Variants in NCL observed in about 807,000 individuals in gnomAD.
The protein encoded by NCL is nucleolin multifunctional protein.
Under a neutral mutation model 77.7 loss-of-function variants are expected in NCL, and 4 were observed. That is an observed-to-expected ratio of 0.05 (90% CI 0.03 to 0.12). The LOEUF is 0.12. Ranked by LOEUF, NCL falls within the 10% of genes least tolerant of loss-of-function variation. NCL has a pLI of 1.00. For synonymous variants in NCL, 344 were observed against 297.8 expected, an observed-to-expected ratio of 1.16 and a Z score of -1.60; for missense variants, 763 against 860.9, an observed-to-expected ratio of 0.89 and a Z score of 1.42.
In NCL at chr2:231,461,739, C is replaced by A. The variant is rs1222602517; in HGVS notation, c.414G>T (p.Lys138Asn). Residue 138 changes from lysine (K) to asparagine (N), a missense_variant, in exon 3 of 14, where the codon AAG becomes AAT. Around this residue, in one of 2 missense-constraint regions of NCL, gnomAD observed 590 missense variants for 570.5 expected, o/e 1.03. Coordinates refer to ENST00000322723, the MANE Select transcript of NCL (RefSeq NM_005381.3). Reference protein sequence around the residue: ...AIPAKGAKNGKNAKKEDSDEE... With the variant: ...AIPAKGAKNGNNAKKEDSDEE... ...CATCACTGTCTTCCTTCTTGGCATT[C>A]TTGCCATTCTTTGCCCCCTTGGCTG... The A allele has an allele frequency of 3.1e-6, 5 of 1,614,122 alleles. No individual in the cohort carries two copies. The South Asian group carries it at 5.5e-5, about 18-fold the overall frequency.
intron 1 of NCL, chr2:231,464,088 C>A: frequency 7.4e-7 from 1 of 1,354,460 alleles, no homozygotes; most frequent in South Asian, 1.6e-5. Flanking sequence ...GCCCAGCGCC[C>A]CCTCCCCGCG....
Position 231,453,551 on chromosome 2 carries a change from T to A in NCL, c.*1640A>T, listed in dbSNP as rs931559691. 2 of 158,582 alleles carry A rather than the reference T, an allele frequency of 1.3e-5. No individual in the cohort carries two copies. Among genetic ancestry groups the A allele is most frequent in the African/African-American group, 4.8e-5 (2 of 41,718 alleles). 9.8% of individuals were successfully genotyped at this position (158,582 alleles called of 1,614,324 possible). ...CCTGATGGGCTTCAATTAACTGAGC[T>A]TTTAATTCCTTATCCAGAATACAGG... is the stretch of plus-strand genomic sequence containing the variant. On this transcript the variant is annotated 3_prime_UTR_variant, in exon 14 of 14. Transcript: ENST00000322723.
At chr2:231,462,996 T>C (rs6437019) in intron 2 of NCL, 276,899 of 537,524 alleles carry the variant, frequency 0.52, 73,399 homozygotes, top group East Asian at 0.76. Context: ...TAAAAGAAAT[T>C]CCCAGATCTC....
At position 231,461,605 on chromosome 2, in the gene NCL, G is replaced by A. The variant is rs531670131; in HGVS notation, c.548C>T (p.Ala183Val). 5 of 1,608,122 alleles carry A rather than the reference G, an allele frequency of 3.1e-6. No individual in the cohort carries two copies. The highest frequency in any genetic ancestry group is 1.7e-4 in the Middle Eastern group (1 of 6,060). The change falls in exon 3 of 14, where the codon GCC (alanine) becomes GTC (valine). Residue 183 changes from alanine to valine, a missense_variant. By Grantham distance (64) the Ala-to-Val change is moderately conservative. Transcript: ENST00000322723. The part of the protein sequence containing the change: ...AAMKAAAAAP[A>V]SEDEDDEDDE... ...ATCCTCATCGTCCTCATCCTCTGAGGCAGGGGCAGCAGCTGCTGCTTTCAT... is the reference window on the plus strand; with the variant it reads ...ATCCTCATCGTCCTCATCCTCTGAGACAGGGGCAGCAGCTGCTGCTTTCAT...
intron 2 of NCL, 58 bp from the exon 3 acceptor site, chr2:231,462,075 C>G: frequency 1.3e-6 from 2 of 1,589,358 alleles, no homozygotes; most frequent in Non-Finnish European, 8.6e-7. Context: ...AAAAGATAAC[C>G]ATGGTCCCAA....
intron 11 of NCL, 115 bp downstream of exon 11, chr2:231,456,516 C>G: frequency 6.9e-7 from 1 of 1,451,070 alleles, no homozygotes; most frequent in East Asian, 2.3e-5. Context: ...AATCAGTCAT[C>G]ATATCCAGTT....
Position 231,457,139 on chromosome 2 carries a change from G to A in NCL, c.1448-15C>T. 6.2e-7 allele frequency: 1 copy of A among 1,613,372 alleles called. No homozygotes were observed. Among genetic ancestry groups the A allele is most frequent in the Non-Finnish European group, 8.5e-7 (1 of 1,179,760 alleles). On this transcript the variant is annotated splice_polypyrimidine_tract_variant and intron_variant, in intron 9 of 13. Coordinates refer to ENST00000322723, the MANE Select transcript of NCL (RefSeq NM_005381.3). ...TTTTGATTCACCTGCAAATAGAGAT[G>A]CCACATTCCTAAGACTCTGAAACAG...
At position 231,460,827 on chromosome 2, in the gene NCL, C is replaced by A. The variant is rs750471322; in HGVS notation, c.653G>T (p.Gly218Val). Residue 218 changes from glycine to valine, a missense_variant, in exon 4 of 14, where the codon GGA (glycine) becomes GTA (valine). Gly to Val is a moderately radical substitution (Grantham distance 109, BLOSUM62 -3). This residue lies in a region of NCL where 590 missense variants were observed against 570.5 expected (regional missense o/e 1.03). Transcript: ENST00000322723. ...EEAMETTPAK[G>V]KKAAKVVPVK... is the part of the protein sequence containing the mutation. ...AGGAACAACTTTTGCAGCTTTCTTT[C>A]CTTTGGCTGGTGTAGTCTCCATAGC... 2.5e-6 allele frequency: 4 copies of A among 1,614,152 alleles called. No homozygotes were observed. The highest frequency in any genetic ancestry group is 3.3e-4 in the Middle Eastern group (2 of 6,062).
Position 231,459,553 on chromosome 2 carries a change from G to A in NCL, c.1041-428C>T, listed in dbSNP as rs540274148. Among the ~76,000 whole-genome samples the A allele has an allele frequency of 1.1e-3, 171 of 151,780 alleles. 1 individual carries two copies. The highest frequency in any genetic ancestry group is 3.1e-3 in the African/African-American group (130 of 41,466). On this transcript the variant is annotated intron_variant, in intron 6 of 13. Transcript: ENST00000322723. ...TGCCCAGGCTGGAGTACAGTGGCGCGAACTTGGCTCACTGCAACCTCTGCC... is the reference window on the plus strand; with the variant it reads ...TGCCCAGGCTGGAGTACAGTGGCGCAAACTTGGCTCACTGCAACCTCTGCC...
Position 231,460,508 on chromosome 2 carries a change from C to G in NCL, c.868G>C (p.Ala290Pro), listed in dbSNP as rs1575261916. Residue 290 changes from alanine to proline, a missense_variant, in exon 5 of 14, where the codon GCT (alanine) becomes CCT (proline). Around this residue, in one of 2 missense-constraint regions of NCL, gnomAD observed 590 missense variants for 570.5 expected, o/e 1.03. Coordinates refer to ENST00000322723, the MANE Select transcript of NCL (RefSeq NM_005381.3). Reference protein sequence around the residue: ...RKKEMAKQKAAPEAKKQKVEG... With the variant: ...RKKEMAKQKAPPEAKKQKVEG... ...ACTTTCTGTTTCTTGGCTTCAGGAG[C>G]TGCTTTCTGTTTGGCCATTTCCTTC... 21 of 1,614,204 alleles carry G rather than the reference C, an allele frequency of 1.3e-5. No homozygotes were observed. The highest frequency in any genetic ancestry group is 1.8e-5 in the Non-Finnish European group (21 of 1,180,044).
At chr2:231,462,696 G>A in intron 2 of NCL, 1 of 402,108 alleles carries the variant, frequency 2.5e-6, no homozygotes, top group Non-Finnish European at 5.0e-6. Flanking sequence ...GCAAATAAAA[G>A]GCCAGGAGTG....
intron 8 of NCL, 132 bp from the exon 9 acceptor site, chr2:231,457,932 A>C: frequency 1.1e-6 from 1 of 877,460 alleles, no homozygotes; most frequent in Non-Finnish European, 1.6e-6. Context: ...TTTTCAATCA[A>C]AACTCGAGCT....
chr2:231,460,645 T>C (rs374113937), intron 4 of NCL, 24 bp downstream of exon 4: 22 of 1,614,042 alleles, frequency 1.4e-5, no homozygotes, highest in Non-Finnish European at 1.8e-5. Context: ...ACTCATGTCG[T>C]ATGTCAGAAT....
chr2:231,455,926 A>G (rs767687708), intron 12 of NCL, 84 bp downstream of exon 12: 2 of 1,599,952 alleles, frequency 1.3e-6, no homozygotes, highest in South Asian at 2.2e-5. Context: ...AAAGGAGCTC[A>G]ATGAGAAGAC....
intron 7 of NCL, 104 bp downstream of exon 7, chr2:231,458,897 G>C (rs1284751313): frequency 2.4e-6 from 3 of 1,267,784 alleles, no homozygotes; most frequent in African/African-American, 1.5e-5. Flanking sequence ...GGAAAAAAAT[G>C]ATTTAAAAAA....
At chr2:231,460,403 T>C (rs908636611) in intron 5 of NCL, 75 bp downstream of exon 5, 1 of 1,592,224 alleles carries the variant, frequency 6.3e-7, no homozygotes, top group Admixed American at 1.7e-5. Flanking sequence ...AACATCAGGT[T>C]TCAGTATTAA....
rs181796333 is a variant in NCL, at chr2:231,457,155, T to C, written c.1448-31A>G. 1.9e-6 allele frequency: 3 copies of C among 1,612,382 alleles called. No homozygotes were observed. The African/African-American group carries it at 4.0e-5, about 22-fold the overall frequency. ...AATAGAGATGCCACATTCCTAAGAC[T>C]CTGAAACAGTGGTTCCCAGCTTCGG... On this transcript the variant is annotated intron_variant, in intron 9 of 13. Transcript: ENST00000322723.
intron 2 of NCL, chr2:231,462,389 G>A (rs1575263844): frequency 2.6e-6 from 1 of 381,472 alleles, no homozygotes; most frequent in Non-Finnish European, 5.1e-6. Context: ...TTACACATAG[G>A]AGGCTCCAAG....
chr2:231,461,847 T>C lies in NCL; in HGVS notation c.306A>G (p.Lys102=), dbSNP rs1559542720. 8 of 1,613,552 alleles carry C rather than the reference T, an allele frequency of 5.0e-6. No homozygotes were observed. The Admixed American group carries it at 1.3e-4, about 27-fold the overall frequency. ...TPAKKTVTPA[K]AVTTPGKKGA... Reference sequence around the variant, plus strand: ...CCTTCTTGCCAGGTGTGGTAACTGCTTTGGCTGGTGTAACTGTCTTCTTGG... The same window carrying C: ...CCTTCTTGCCAGGTGTGGTAACTGCCTTGGCTGGTGTAACTGTCTTCTTGG... The change falls in exon 3 of 14, where the codon AAA becomes AAG. Residue 102 remains lysine (K), a synonymous_variant. Coordinates refer to ENST00000322723, the MANE Select transcript of NCL (RefSeq NM_005381.3).
Sources: allele counts gnomAD v4.1 joint callset (sites outside exome capture counted in the v4.1 genomes callset), GRCh38; gene constraint gnomAD v4.1.1; regional missense constraint gnomAD v4.1.1; transcripts MANE v1.5; gene names NCBI Gene and HGNC (gene_info 2026-07-23, HGNC 2026-07-21).